RORA: variants seen among roughly 807,000 people sequenced by gnomAD.
RORA encodes nuclear receptor ROR-alpha.
RORA carries 7 observed loss-of-function variants against 69.5 expected under a neutral mutation model. The observed-to-expected ratio is 0.10, with a 90% CI of 0.06 to 0.19. RORA has a LOEUF of 0.19. Among genes scored for constraint, RORA ranks in the 10% least tolerant of loss-of-function variants. The probability of loss-of-function intolerance (pLI) is 1.00; values close to 1 mark genes in which losing one functional copy is unlikely to be tolerated. For synonymous variants in RORA, 261 were observed against 240.8 expected, an observed-to-expected ratio of 1.08 and a Z score of -0.78; for missense variants, 457 against 663.0, an observed-to-expected ratio of 0.69 and a Z score of 3.41.
chr15:60,685,035 AG>A (rs2070720224), intron 1 of RORA, among the ~76,000 whole-genome samples: 1 of 152,248 alleles, frequency 6.6e-6, no homozygotes, highest in Non-Finnish European at 1.5e-5. Context: ...CACAGGATAT[AG>A]TACCTCTTTC....
chr15:60,512,671 G>T (rs2065741270), intron 4 of RORA, among the ~76,000 whole-genome samples: 1 of 152,132 alleles, frequency 6.6e-6, no homozygotes, highest in Non-Finnish European at 1.5e-5. Context: ...GACAAATATG[G>T]TATTATAATA....
At chr15:60,873,629 C>T (rs1044564775) in intron 1 of RORA, among the ~76,000 whole-genome samples, 1 of 152,106 alleles carries the variant, frequency 6.6e-6, no homozygotes, top group African/African-American at 2.4e-5. Context: ...TAATTTGCTG[C>T]TAAGATAAAT....
At chr15:61,143,331 G>C (rs191407560) in intron 1 of RORA, among the ~76,000 whole-genome samples, 7 of 152,206 alleles carry the variant, frequency 4.6e-5, no homozygotes, top group Admixed American at 3.9e-4. Flanking sequence ...ATAATGGAAA[G>C]ACAGACTTTG....
intron 1 of RORA, among the ~76,000 whole-genome samples, chr15:61,207,107 G>T (rs1420219116): frequency 6.6e-6 from 1 of 151,722 alleles, no homozygotes; most frequent in African/African-American, 2.4e-5. Context: ...TATGCATATA[G>T]ACACATATGT....
At chr15:60,900,528 T>C (rs1043140884) in intron 1 of RORA, among the ~76,000 whole-genome samples, 2 of 152,242 alleles carry the variant, frequency 1.3e-5, no homozygotes, top group Non-Finnish European at 2.9e-5. Flanking sequence ...ACTACTCATG[T>C]GTGTTTGGGG....
chr15:60,809,819 T>A lies in RORA; in HGVS notation c.167-131133A>T, dbSNP rs574109199. On this transcript the variant is annotated intron_variant, in intron 1 of 10. Transcript: ENST00000335670. ...TTTTTTCTGGCATTAATAATTAACTTTTTTGCTTGCTTAATTTTCTCTCTA... is the reference window on the plus strand; with the variant it reads ...TTTTTTCTGGCATTAATAATTAACTATTTTGCTTGCTTAATTTTCTCTCTA... Among the ~76,000 whole-genome samples, 84 of 152,296 alleles carry A rather than the reference T, an allele frequency of 5.5e-4. 2 individuals carry two copies. The South Asian group carries it at 0.017, about 31-fold the overall frequency.
chr15:60,963,014 T>A (rs907228735), intron 1 of RORA, among the ~76,000 whole-genome samples: 1 of 152,214 alleles, frequency 6.6e-6, no homozygotes, highest in African/African-American at 2.4e-5. Flanking sequence ...AGTAAATGTA[T>A]CTAATCACCT....
rs549505196 is a variant in RORA at position 61,069,719 on chromosome 15, G to GGA, written c.166+159333_166+159334insTC. ...GCTCAAAAAACAGCAATTGCTTGAGGAAAAAAAAAAGGAAAGAAAAAAGAA... is the reference window on the plus strand; with the variant it reads ...GCTCAAAAAACAGCAATTGCTTGAGGGAAAAAAAAAAAGGAAAGAAAAAAGAA... On this transcript the variant is annotated intron_variant, in intron 1 of 10. Transcript: ENST00000335670. Among the ~76,000 whole-genome samples, 666 of 147,160 alleles carry GGA rather than the reference G, an allele frequency of 4.5e-3. 5 individuals are homozygous for GGA. Among genetic ancestry groups the GGA allele is most frequent in the African/African-American group, 0.015 (616 of 39,818 alleles).
chr15:60,874,201 G>C (rs2073589395), intron 1 of RORA, among the ~76,000 whole-genome samples: 1 of 151,794 alleles, frequency 6.6e-6, no homozygotes, highest in African/African-American at 2.4e-5. Flanking sequence ...GTTTTTTTAG[G>C]GGAGTAGATT....
chr15:61,060,426 C>T (rs1162471716), intron 1 of RORA, among the ~76,000 whole-genome samples: 1 of 152,168 alleles, frequency 6.6e-6, no homozygotes, highest in Non-Finnish European at 1.5e-5. Context: ...TGACAGCACC[C>T]CCTGAGAGCA....
chr15:60,997,649 G>A (rs1416752756), intron 1 of RORA, among the ~76,000 whole-genome samples: 3 of 152,138 alleles, frequency 2.0e-5, no homozygotes, highest in Non-Finnish European at 2.9e-5. Flanking sequence ...AAGCACCCAT[G>A]TATATCTTCC....
At chr15:60,859,153 A>G (rs1364400850) in intron 1 of RORA, among the ~76,000 whole-genome samples, 2 of 151,804 alleles carry the variant, frequency 1.3e-5, no homozygotes, top group East Asian at 3.9e-4. Context: ...CACCTCTAAG[A>G]CCCAGTTCAG....
chr15:60,514,070 C>T (rs979454273), intron 4 of RORA, among the ~76,000 whole-genome samples: 11 of 152,222 alleles, frequency 7.2e-5, no homozygotes, highest in African/African-American at 2.7e-4. Context: ...AAAGTAGCTT[C>T]ATTTAATGAA....
chr15:60,857,722 C>T (rs1031760423), intron 1 of RORA, among the ~76,000 whole-genome samples: 1 of 152,148 alleles, frequency 6.6e-6, no homozygotes, highest in Non-Finnish European at 1.5e-5. Flanking sequence ...TTGACAGCTG[C>T]AGTAAAACTC....
intron 3 of RORA, chr15:60,530,670 C>T (rs1333828760): frequency 2.0e-5 from 3 of 152,074 alleles, no homozygotes; most frequent in Admixed American, 1.3e-4. Context: ...GGTTAATTTC[C>T]TTGAAGTCTC....
At chr15:60,656,580 T>C (rs1325460326) in intron 2 of RORA, among the ~76,000 whole-genome samples, 1 of 152,212 alleles carries the variant, frequency 6.6e-6, no homozygotes, top group African/African-American at 2.4e-5. Context: ...TCCTCCATTT[T>C]GCAAGATTCC....
chr15:61,194,968 CA>C (rs5813080), intron 1 of RORA, among the ~76,000 whole-genome samples: 48 of 147,152 alleles, frequency 3.3e-4, no homozygotes, highest in African/African-American at 9.2e-4. Context: ...AGCACCAGAA[CA>C]AAAAAAAAAG....
At chr15:60,990,585 G>A (rs886859687) in intron 1 of RORA, among the ~76,000 whole-genome samples, 1 of 152,114 alleles carries the variant, frequency 6.6e-6, no homozygotes, top group Non-Finnish European at 1.5e-5. Flanking sequence ...TGATAAGACA[G>A]CAGATCCTGG....
chr15:61,087,308 C>A (rs367923706), intron 1 of RORA, among the ~76,000 whole-genome samples: 27 of 152,318 alleles, frequency 1.8e-4, no homozygotes, highest in African/African-American at 6.3e-4. Flanking sequence ...AACATGTATA[C>A]TCCAACCAAT....
Sources: allele counts gnomAD v4.1 joint callset (sites outside exome capture counted in the v4.1 genomes callset), GRCh38; gene constraint gnomAD v4.1.1; transcripts MANE v1.5; gene names NCBI Gene and HGNC (gene_info 2026-07-23, HGNC 2026-07-21).